The following FN1 variants were observed in gnomAD, a reference collection of about 807,000 sequenced individuals.
The protein encoded by FN1 is fibronectin 1.
Under a neutral mutation model 297.3 loss-of-function variants are expected in FN1, and 106 were observed. That is an observed-to-expected ratio of 0.36 (90% CI 0.30 to 0.42). The LOEUF is 0.42. Ranked by LOEUF, FN1 falls within the 10% of genes least tolerant of loss-of-function variation. FN1 has a pLI of 1.00. For synonymous variants in FN1, 1,149 were observed against 1,152.6 expected, an observed-to-expected ratio of 1.00 and a Z score of 0.06; for missense variants, 2,690 against 3,124.9, an observed-to-expected ratio of 0.86 and a Z score of 3.32.
rs1440086802 is a variant in FN1 at position 215,409,954 on chromosome 2, CTGGTGG to C, written c.2096_2101del (p.Thr699_Thr700del). 1 of 1,613,622 alleles carries C rather than the reference CTGGTGG, an allele frequency of 6.2e-7. No homozygotes were observed. Among genetic ancestry groups the C allele is most frequent in the Non-Finnish European group, 8.5e-7 (1 of 1,179,950 alleles). The stretch of plus-strand genomic sequence containing the variant: ...CATACTGGTCACAGGTGTGCTGGTG[CTGGTGG>C]TGGTGAAGTCAAAGCGAGTCACTTC... On this transcript the variant is annotated inframe_deletion, in exon 14 of 46. Transcript: ENST00000354785.
Position 215,372,377 on chromosome 2 carries a change from T to C in FN1, c.6248-2A>G. 1 of 1,613,670 alleles carries C rather than the reference T, an allele frequency of 6.2e-7. No individual in the cohort carries two copies. Among genetic ancestry groups the C allele is most frequent in the Non-Finnish European group, 8.5e-7 (1 of 1,179,576 alleles). On this transcript the variant is annotated splice_acceptor_variant, in intron 39 of 45. Transcript: ENST00000354785. LOFTEE classifies it high-confidence loss of function. The stretch of plus-strand genomic sequence containing the variant: ...GGGTTACCAGTTGGGGAAGCTCGTC[T>C]AGCCGAGAGAGGTTAGAGCCAAAAA...
chr2:215,418,287 C>T (rs2063716611), intron 12 of FN1, among the ~76,000 whole-genome samples: 1 of 152,174 alleles, frequency 6.6e-6, no homozygotes, highest in Non-Finnish European at 1.5e-5. Flanking sequence ...TAATCAGCTA[C>T]AATCTTCCCA....
At chr2:215,393,524 T>G (rs1399342041) in intron 24 of FN1, 1 of 155,160 alleles carries the variant, frequency 6.4e-6, no homozygotes, top group African/African-American at 2.4e-5. Context: ...CTGTTTAGGA[T>G]GTCAAAACCA....
chr2:215,362,283 C>A (rs923834582), intron 44 of FN1: 6 of 586,828 alleles, frequency 1.0e-5, no homozygotes, highest in Non-Finnish European at 1.2e-5. Context: ...ATACCTACAT[C>A]TGTCTCTCTA....
At chr2:215,433,283 A>G (rs1431443575) in intron 3 of FN1, 41 bp downstream of exon 3, 1 of 1,608,888 alleles carries the variant, frequency 6.2e-7, no homozygotes, top group Non-Finnish European at 8.5e-7. Context: ...AGAAATTCAT[A>G]TTTGATATTT....
intron 13 of FN1, among the ~76,000 whole-genome samples, chr2:215,412,588 T>G (rs979440379): frequency 4.6e-5 from 7 of 152,124 alleles, no homozygotes; most frequent in Admixed American, 4.6e-4. Flanking sequence ...AGGTGCATGC[T>G]ACCATGCCCG....
chr2:215,423,252 T>C (rs1280891730), intron 9 of FN1, 98 bp downstream of exon 9: 3 of 1,248,486 alleles, frequency 2.4e-6, no homozygotes, highest in African/African-American at 3.0e-5. Context: ...CTCAAAATTG[T>C]GTTAATGAAT....
intron 6 of FN1, among the ~76,000 whole-genome samples, chr2:215,427,888 TG>T (rs201183203): frequency 0.012 from 1,806 of 152,274 alleles, 21 homozygotes; most frequent in Admixed American, 0.025. Context: ...GATCTATCCA[TG>T]GTAAGTTTTA....
intron 20 of FN1, among the ~76,000 whole-genome samples, chr2:215,400,751 CAA>C (rs1175226865): frequency 7.6e-4 from 43 of 56,214 alleles, no homozygotes; most frequent in East Asian, 1.9e-3. Flanking sequence ...GGCTCCATCT[CAA>C]AAAAAAAAAA....
intron 19 of FN1, among the ~76,000 whole-genome samples, chr2:215,406,012 G>C (rs560813373): frequency 1.4e-4 from 21 of 152,204 alleles, no homozygotes; most frequent in African/African-American, 4.8e-4. Flanking sequence ...CCTTCAGCTG[G>C]TACATGTATT....
intron 35 of FN1, 100 bp from the exon 36 acceptor site, chr2:215,376,774 T>C: frequency 1.0e-6 from 1 of 998,954 alleles, no homozygotes. Context: ...AATTCATCCA[T>C]TTCAAGAAAT....
Position 215,419,396 on chromosome 2 carries a change from T to C in FN1, c.1676-11A>G, listed in dbSNP as rs1371338549. 1 of 1,610,738 alleles carries C rather than the reference T, an allele frequency of 6.2e-7. No individual in the cohort carries two copies. The highest frequency in any genetic ancestry group is 8.5e-7 in the Non-Finnish European group (1 of 1,176,906). ...AATCCTGGCATTGGTCTAAAATACATGGAAGGAAAAGATAAACAGCCTTGA... is the reference window on the plus strand; with the variant it reads ...AATCCTGGCATTGGTCTAAAATACACGGAAGGAAAAGATAAACAGCCTTGA... On this transcript the variant is annotated splice_polypyrimidine_tract_variant and intron_variant, in intron 11 of 45. Transcript: ENST00000354785.
At position 215,372,296 on chromosome 2, in the gene FN1, T is replaced by C; in HGVS notation, c.6327A>G (p.Gln2109=). ...PEILDVPSTV[Q]KTPFVTHPGY... ...CAGGGTGGGTGACGAAAGGGGTCTT[T>C]TGAACTGTGGAAGGAACATCCAAGA... Residue 2109 remains glutamine (Q), a synonymous_variant, in exon 40 of 46, where the codon CAA becomes CAG. Coordinates refer to ENST00000354785, the MANE Select transcript of FN1 (RefSeq NM_212482.4). The C allele has an allele frequency of 6.2e-7, 1 of 1,614,174 alleles. No individual in the cohort carries two copies. The highest frequency in any genetic ancestry group is 8.5e-7 in the Non-Finnish European group (1 of 1,180,042).
intron 8 of FN1, 63 bp from the exon 9 acceptor site, chr2:215,423,589 G>T: frequency 6.7e-7 from 1 of 1,487,806 alleles, no homozygotes; most frequent in South Asian, 1.2e-5. Context: ...AATGTACACA[G>T]AATTACTGGT....
In FN1 at chr2:215,372,293, C is replaced by T; in HGVS notation, c.6330G>A (p.Lys2110=). The T allele has an allele frequency of 6.2e-7, 1 of 1,614,144 alleles. No homozygotes were observed. The highest frequency in any genetic ancestry group is 2.2e-5 in the East Asian group (1 of 44,884). The change falls in exon 40 of 46, where the codon AAG becomes AAA. Residue 2110 remains lysine, a synonymous_variant. Transcript: ENST00000354785. ...ACCCAGGGTGGGTGACGAAAGGGGT[C>T]TTTTGAACTGTGGAAGGAACATCCA... ...EILDVPSTVQ[K]TPFVTHPGYD...
chr2:215,432,025 A>C, intron 3 of FN1, 61 bp from the exon 4 acceptor site: 5 of 1,605,368 alleles, frequency 3.1e-6, no homozygotes, highest in Non-Finnish European at 4.3e-6. Flanking sequence ...TTTTGGTCTC[A>C]TATTCCACCC....
rs35258787 is a variant in FN1, at chr2:215,361,694, C to CG, written c.7363-69dup. 1,036 of 1,260,334 alleles carry CG rather than the reference C, an allele frequency of 8.2e-4. 7 individuals are homozygous for CG. The African/African-American group carries it at 0.014, about 17-fold the overall frequency. The allele number at this position is 1,260,334 out of a possible 1,614,324, so 78.1% of individuals were successfully genotyped here. A position where few individuals can be genotyped will look rare whatever the true frequency, so the allele number is the denominator to read the frequency against. ...TGTAAAGTGTACAGAAAAAAAAATG[C>CG]GGGGAGGTGGGGACTCATGACAGCT... On this transcript the variant is annotated intron_variant, in intron 45 of 45. Transcript: ENST00000354785.
At chr2:215,370,235 G>A in intron 41 of FN1, 59 bp downstream of exon 41, 1 of 1,555,774 alleles carries the variant, frequency 6.4e-7, no homozygotes, top group Non-Finnish European at 8.9e-7. Context: ...CAACAGAAAA[G>A]CCCATCTCTG....
At chr2:215,374,198 T>C (rs2056830809) in intron 38 of FN1, among the ~76,000 whole-genome samples, 2 of 152,126 alleles carry the variant, frequency 1.3e-5, no homozygotes, top group South Asian at 4.1e-4. Flanking sequence ...TTGGCCAGTG[T>C]TTGTGCAGCC....
Sources: gnomAD v4.1 joint callset for allele counts (sites outside exome capture counted in the v4.1 genomes callset) on GRCh38, gnomAD v4.1.1 for gene constraint, MANE v1.5 for transcripts, NCBI Gene and HGNC (gene_info 2026-07-23, HGNC 2026-07-21) for gene names.